The following NR3C2 variants were observed in gnomAD, a reference collection of about 807,000 sequenced individuals.
The protein encoded by NR3C2 is mineralocorticoid receptor.
In NR3C2, 15 loss-of-function variants were observed where a neutral mutation model predicts 86.4. The ratio of observed to expected loss-of-function variants is 0.17; its 90% CI spans 0.12 to 0.27. The LOEUF (loss-of-function observed/expected upper bound fraction) is 0.27, where lower values mean the gene tolerates loss of function less well. Among genes scored for constraint, NR3C2 ranks in the 10% least tolerant of loss-of-function variants. The probability of loss-of-function intolerance (pLI) is 1.00; values close to 1 mark genes in which losing one functional copy is unlikely to be tolerated. For missense variants in NR3C2, 960 were observed against 1,195.6 expected, an observed-to-expected ratio of 0.80 and a Z score of 2.91; for synonymous variants, 458 against 450.5, an observed-to-expected ratio of 1.02 and a Z score of -0.21.
chr4:148,292,647 T>C (rs569919659), intron 2 of NR3C2, among the ~76,000 whole-genome samples: 35 of 152,228 alleles, frequency 2.3e-4, no homozygotes, highest in Non-Finnish European at 4.7e-4. Flanking sequence ...ATGAGGTTTC[T>C]CTCAGATTAT....
At chr4:148,313,931 A>G (rs3846330) in intron 2 of NR3C2, among the ~76,000 whole-genome samples, 152,299 of 152,316 alleles carry the variant, frequency 1, 76,141 homozygotes, top group Middle Eastern at 1. Context: ...TAACCTATGC[A>G]TTACATCTTT....
At chr4:148,266,918 G>A (rs1207614062) in intron 2 of NR3C2, among the ~76,000 whole-genome samples, 4 of 152,198 alleles carry the variant, frequency 2.6e-5, no homozygotes, top group Admixed American at 6.5e-5. Context: ...ACTGGATGGC[G>A]ACACTATTAA....
At chr4:148,365,556 T>A (rs1319760185) in intron 2 of NR3C2, among the ~76,000 whole-genome samples, 1 of 152,160 alleles carries the variant, frequency 6.6e-6, no homozygotes, top group East Asian at 1.9e-4. Context: ...GAGAAATCAA[T>A]CAGATTGACA....
chr4:148,301,363 T>G (rs563150118), intron 2 of NR3C2, among the ~76,000 whole-genome samples: 1 of 152,316 alleles, frequency 6.6e-6, no homozygotes, highest in Middle Eastern at 3.4e-3. Context: ...CTTAAGATTA[T>G]GGGTAAAATG....
chr4:148,140,133 C>G (rs1733539799), intron 6 of NR3C2, among the ~76,000 whole-genome samples: 1 of 152,136 alleles, frequency 6.6e-6, no homozygotes, highest in Admixed American at 6.5e-5. Context: ...CTGGCCCATT[C>G]CTTTCCACCT....
intron 2 of NR3C2, among the ~76,000 whole-genome samples, chr4:148,272,457 C>T (rs1052759893): frequency 6.6e-6 from 1 of 152,040 alleles, no homozygotes; most frequent in Non-Finnish European, 1.5e-5. Context: ...TTATTTAAGC[C>T]TGTGGTGTGT....
chr4:148,236,719 A>G (rs928295268), intron 3 of NR3C2, among the ~76,000 whole-genome samples: 4 of 152,246 alleles, frequency 2.6e-5, no homozygotes, highest in Non-Finnish European at 5.9e-5. Flanking sequence ...TAGAATGTGC[A>G]TCATACATAG....
chr4:148,439,690 G>A (rs1407243585), intron 1 of NR3C2, among the ~76,000 whole-genome samples: 1 of 152,204 alleles, frequency 6.6e-6, no homozygotes, highest in Non-Finnish European at 1.5e-5. Context: ...ACCTCTGGGA[G>A]ATTCTGTTTA....
At position 148,306,193 on chromosome 4, in the gene NR3C2, T is replaced by C. The variant is rs538086652; in HGVS notation, c.1758-46076A>G. ...TCCATTTTCAAAAAAGAAATGGAAATAAATCAACTAACTGCCTAAGGAAGC... is the reference window on the plus strand; with the variant it reads ...TCCATTTTCAAAAAAGAAATGGAAACAAATCAACTAACTGCCTAAGGAAGC... On this transcript the variant is annotated intron_variant, in intron 2 of 8. Coordinates refer to ENST00000358102, the MANE Select transcript of NR3C2 (RefSeq NM_000901.5). Among the ~76,000 whole-genome samples the C allele has an allele frequency of 5.9e-5, 9 of 152,358 alleles. No individual in the cohort carries two copies. In the East Asian group the frequency reaches 1.7e-3, roughly 29 times the overall value.
In NR3C2 at chr4:148,194,824, T is replaced by C; in HGVS notation, c.1936A>G (p.Ile646Val). Residue 646 changes from isoleucine (I) to valine (V), a missense_variant, in exon 4 of 9, where the codon ATC (isoleucine) becomes GTC (valine). Physicochemically the swap from Ile to Val is conservative, Grantham distance 29. Coordinates refer to ENST00000358102, the MANE Select transcript of NR3C2 (RefSeq NM_000901.5). ...TTCTTTCGTCGAATCTTATCAATGA[T>C]GCAATCATTTCTTCCAGCACATAAA... ...NYLCAGRNDC[I>V]IDKIRRKNCP... 2 of 1,612,506 alleles carry C rather than the reference T, an allele frequency of 1.2e-6. No homozygotes were observed. Among genetic ancestry groups the C allele is most frequent in the Non-Finnish European group, 8.5e-7 (1 of 1,179,798 alleles).
intron 2 of NR3C2, among the ~76,000 whole-genome samples, chr4:148,315,209 A>G (rs1177678853): frequency 2.0e-5 from 3 of 152,052 alleles, no homozygotes; most frequent in Non-Finnish European, 4.4e-5. Flanking sequence ...GGGTCTTCCC[A>G]TGGTTGAGCA....
At chr4:148,365,682 AT>A (rs1746078764) in intron 2 of NR3C2, among the ~76,000 whole-genome samples, 1 of 152,224 alleles carries the variant, frequency 6.6e-6, no homozygotes, top group African/African-American at 2.4e-5. Context: ...ATGAACTTAA[AT>A]ATTTTGAGAT....
chr4:148,214,358 AAG>A (rs1277207920), intron 3 of NR3C2, among the ~76,000 whole-genome samples: 1 of 152,100 alleles, frequency 6.6e-6, no homozygotes, highest in Non-Finnish European at 1.5e-5. Context: ...GGTGTTTTTG[AAG>A]AGTTTTTTTT....
intron 2 of NR3C2, among the ~76,000 whole-genome samples, chr4:148,309,169 T>C (rs1023447015): frequency 6.6e-6 from 1 of 152,046 alleles, no homozygotes; most frequent in African/African-American, 2.4e-5. Context: ...ATTTAAAAAA[T>C]TTTTTAAAGA....
At chr4:148,155,310 A>T (rs980090590) in intron 4 of NR3C2, among the ~76,000 whole-genome samples, 1 of 152,224 alleles carries the variant, frequency 6.6e-6, no homozygotes, top group Non-Finnish European at 1.5e-5. Flanking sequence ...TTAGGAAAAG[A>T]CGAAGTCAAA....
chr4:148,395,082 G>C (rs1205457868), intron 2 of NR3C2, among the ~76,000 whole-genome samples: 1 of 152,052 alleles, frequency 6.6e-6, no homozygotes, highest in Admixed American at 6.5e-5. Context: ...TGGGATGGGG[G>C]AGGTGAGAGT....
rs372657776 is a variant in NR3C2, at chr4:148,213,571, C to A, written c.1898-18709G>T. Among the ~76,000 whole-genome samples, 24 of 152,210 alleles carry A rather than the reference C, an allele frequency of 1.6e-4. No homozygotes were observed. In the South Asian group the frequency reaches 3.1e-3, roughly 20 times the overall value. The stretch of plus-strand genomic sequence containing the variant: ...TATTATTCTGCGGCTGTTCCAAAGG[C>A]TATGGTCTTTCACATGTACTCAACC... On this transcript the variant is annotated intron_variant, in intron 3 of 8. Transcript: ENST00000358102.
intron 3 of NR3C2, among the ~76,000 whole-genome samples, chr4:148,223,068 A>C (rs1225366026): frequency 1.3e-5 from 2 of 152,326 alleles, no homozygotes; most frequent in South Asian, 4.1e-4. Context: ...ATTCTTAGAA[A>C]TAATATTTTA....
At chr4:148,296,600 A>T (rs1742068234) in intron 2 of NR3C2, among the ~76,000 whole-genome samples, 3 of 151,814 alleles carry the variant, frequency 2.0e-5, no homozygotes, top group South Asian at 4.2e-4. Context: ...AAAAAAAAGC[A>T]TGTACCTGTA....
Sources: gnomAD v4.1 joint callset for allele counts (sites outside exome capture counted in the v4.1 genomes callset) on GRCh38, gnomAD v4.1.1 for gene constraint, MANE v1.5 for transcripts, NCBI Gene and HGNC (gene_info 2026-07-23, HGNC 2026-07-21) for gene names.